Variants in TLK1 observed in about 807,000 individuals in gnomAD.
TLK1 encodes the protein serine/threonine-protein kinase tousled-like 1.
Under a neutral mutation model 105.3 loss-of-function variants are expected in TLK1, and 24 were observed. The ratio of observed to expected loss-of-function variants is 0.23; its 90% CI spans 0.17 to 0.32. The LOEUF (loss-of-function observed/expected upper bound fraction) is 0.32, where lower values mean the gene tolerates loss of function less well. Among genes scored for constraint, TLK1 ranks in the 10% least tolerant of loss-of-function variants. TLK1 has a pLI of 1.00. For missense variants in TLK1, 558 were observed against 910.5 expected (o/e 0.61, Z 4.98); for synonymous variants, 321 against 310.4 (o/e 1.03, Z -0.36).
rs542817678 is a variant in TLK1 at position 171,116,800 on chromosome 2, T to G, written c.258+939A>C. ...GAGGAATGTGGATGGTGTCAAGTGT[T>G]TCTGCGATATGGAAATACAGAAATA... On this transcript the variant is annotated intron_variant, in intron 2 of 20. Coordinates refer to ENST00000431350, the MANE Select transcript of TLK1 (RefSeq NM_012290.5). 3.9e-3 allele frequency among the ~76,000 whole-genome samples: 593 copies of G among 152,310 alleles called. 4 individuals carry two copies. The highest frequency in any genetic ancestry group is 6.5e-3 in the Non-Finnish European group (445 of 68,016).
At chr2:171,086,641 A>AC (rs1445110047) in intron 2 of TLK1, among the ~76,000 whole-genome samples, 13 of 111,836 alleles carry the variant, frequency 1.2e-4, no homozygotes, top group African/African-American at 4.2e-4. Flanking sequence ...AAACAAACAA[A>AC]AAAAAAAAAC....
intron 1 of TLK1, among the ~76,000 whole-genome samples, chr2:171,147,400 T>C (rs1575628652): frequency 6.6e-6 from 1 of 152,278 alleles, no homozygotes; most frequent in Non-Finnish European, 1.5e-5. Flanking sequence ...GTAAGCCAAA[T>C]CTTTGAAATG....
At chr2:171,004,867 A>C (rs1684573841) in intron 18 of TLK1, among the ~76,000 whole-genome samples, 1 of 152,242 alleles carries the variant, frequency 6.6e-6, no homozygotes, top group Non-Finnish European at 1.5e-5. Context: ...TAGTTTTCTT[A>C]AAATATGAAG....
chr2:171,096,279 T>C (rs187264338), intron 2 of TLK1, among the ~76,000 whole-genome samples: 7 of 151,902 alleles, frequency 4.6e-5, no homozygotes, highest in Admixed American at 2.6e-4. Context: ...ATGGGAGGAA[T>C]GCTTCAGGCC....
intron 4 of TLK1, 46 bp from the exon 5 acceptor site, chr2:171,058,243 T>C (rs1319972229): frequency 6.4e-7 from 1 of 1,564,206 alleles, no homozygotes; most frequent in Admixed American, 1.7e-5. Context: ...GTGATGGGCA[T>C]CAAAAAAATA....
intron 1 of TLK1, among the ~76,000 whole-genome samples, chr2:171,172,827 T>C (rs948600578): frequency 3.3e-5 from 5 of 152,178 alleles, no homozygotes; most frequent in Non-Finnish European, 7.3e-5. Context: ...CAATTAAACC[T>C]CTTTTCTGTA....
intron 15 of TLK1, 39 bp downstream of exon 15, chr2:171,006,933 A>C: frequency 6.2e-7 from 1 of 1,604,012 alleles, no homozygotes; most frequent in South Asian, 1.1e-5. Context: ...CATTCAAAAA[A>C]TATTCAATTT....
intron 1 of TLK1, among the ~76,000 whole-genome samples, chr2:171,145,243 G>A (rs1691744276): frequency 6.6e-6 from 1 of 152,088 alleles, no homozygotes; most frequent in South Asian, 2.1e-4. Flanking sequence ...AAGAGGCAGA[G>A]GTTGCAGTGA....
intron 2 of TLK1, among the ~76,000 whole-genome samples, chr2:171,089,743 T>C (rs1223043643): frequency 1.3e-5 from 2 of 152,172 alleles, no homozygotes; most frequent in African/African-American, 2.4e-5. Context: ...GGCATGATCA[T>C]AGCTCACTGC....
intron 1 of TLK1, among the ~76,000 whole-genome samples, chr2:171,215,895 T>C (rs2105328167): frequency 6.6e-6 from 1 of 152,310 alleles, no homozygotes; most frequent in African/African-American, 2.4e-5. Flanking sequence ...CTAGTGGGAA[T>C]TGATTACAAG....
chr2:171,178,118 T>C (rs1227117291), intron 1 of TLK1, among the ~76,000 whole-genome samples: 1 of 152,220 alleles, frequency 6.6e-6, no homozygotes, highest in African/African-American at 2.4e-5. Flanking sequence ...GAATGCTTAC[T>C]ATATGCTAGG....
intron 18 of TLK1, among the ~76,000 whole-genome samples, chr2:171,002,252 C>A (rs1289275625): frequency 6.6e-6 from 1 of 152,004 alleles, no homozygotes; most frequent in African/African-American, 2.4e-5. Context: ...ATGGTCATAT[C>A]ATCTTTTTCT....
chr2:171,035,565 G>A (rs1376251700), intron 11 of TLK1, among the ~76,000 whole-genome samples: 1 of 152,138 alleles, frequency 6.6e-6, no homozygotes, highest in African/African-American at 2.4e-5. Context: ...TACATACCAA[G>A]TACTACTGTG....
chr2:171,010,825 C>G (rs1324004239), intron 14 of TLK1, among the ~76,000 whole-genome samples: 1 of 152,076 alleles, frequency 6.6e-6, no homozygotes, highest in African/African-American at 2.4e-5. Flanking sequence ...ACCTGCCTAT[C>G]TTGATTTAAA....
intron 1 of TLK1, among the ~76,000 whole-genome samples, chr2:171,123,545 C>T (rs112513499): frequency 2.0e-5 from 3 of 152,128 alleles, no homozygotes; most frequent in Admixed American, 6.5e-5. Context: ...CAGTGGCTCA[C>T]GTCTGTAATC....
chr2:171,037,441 C>A (rs377745494), intron 11 of TLK1, among the ~76,000 whole-genome samples: 523 of 118,052 alleles, frequency 4.4e-3, no homozygotes, highest in African/African-American at 5.7e-3. Context: ...AACTCCGTCT[C>A]AAAAAAAAAA....
chr2:171,075,907 C>T (rs1175963803), intron 3 of TLK1, among the ~76,000 whole-genome samples: 3 of 152,084 alleles, frequency 2.0e-5, no homozygotes, highest in East Asian at 1.9e-4. Context: ...ACTTACTCCC[C>T]GTAGTAAGAA....
chr2:171,024,751 G>C (rs1374797512), intron 12 of TLK1, among the ~76,000 whole-genome samples: 2 of 152,146 alleles, frequency 1.3e-5, no homozygotes, highest in Non-Finnish European at 2.9e-5. Context: ...TTTCAAAAAG[G>C]TGTAATTAAT....
chr2:171,229,552 G>C (rs536445207), intron 1 of TLK1, among the ~76,000 whole-genome samples: 1 of 152,314 alleles, frequency 6.6e-6, no homozygotes, highest in Admixed American at 6.5e-5. Context: ...CCAGAGGACA[G>C]AACCACTTTG....
Sources: allele counts gnomAD v4.1 joint callset (sites outside exome capture counted in the v4.1 genomes callset), GRCh38; gene constraint gnomAD v4.1.1; transcripts MANE v1.5; gene names NCBI Gene and HGNC (gene_info 2026-07-23, HGNC 2026-07-21).